Variants in LRMDA observed in about 807,000 individuals in gnomAD.
LRMDA encodes leucine rich melanocyte differentiation associated.
Under a neutral mutation model 29.8 loss-of-function variants are expected in LRMDA, and 18 were observed. The observed-to-expected ratio is 0.60, with a 90% CI of 0.42 to 0.90. The LOEUF (loss-of-function observed/expected upper bound fraction) is 0.90, where lower values mean the gene tolerates loss of function less well. LRMDA is among the 40% of genes least tolerant of loss of function. LRMDA has a pLI of 0.00. For synonymous variants in LRMDA, 125 were observed against 109.4 expected (o/e 1.14, Z -0.89); for missense variants, 273 against 273.9 (o/e 1.00, Z 0.02).
chr10:76,177,504 T>C (rs1850961768), intron 5 of LRMDA, among the ~76,000 whole-genome samples: 1 of 152,236 alleles, frequency 6.6e-6, no homozygotes, highest in Non-Finnish European at 1.5e-5. Context: ...TAAAGGAAGC[T>C]AGCAAAGTTT....
intron 2 of LRMDA, among the ~76,000 whole-genome samples, chr10:75,737,302 A>T (rs1842777834): frequency 6.6e-6 from 1 of 152,242 alleles, no homozygotes; most frequent in Non-Finnish European, 1.5e-5. Flanking sequence ...GGAATGCGTC[A>T]GATGTGCTCA....
At chr10:76,342,022 T>C (rs1841047985) in intron 6 of LRMDA, among the ~76,000 whole-genome samples, 1 of 152,198 alleles carries the variant, frequency 6.6e-6, no homozygotes, top group South Asian at 2.1e-4. Context: ...TGGAAGAGCA[T>C]GTGGGACCAG....
chr10:76,395,282 T>C (rs766342245), intron 6 of LRMDA, among the ~76,000 whole-genome samples: 5 of 152,212 alleles, frequency 3.3e-5, no homozygotes, highest in African/African-American at 7.2e-5. Flanking sequence ...ATTGTATCCT[T>C]GGCTGACTCT....
chr10:76,276,097 T>C (rs1285248553), intron 5 of LRMDA, among the ~76,000 whole-genome samples: 3 of 151,700 alleles, frequency 2.0e-5, no homozygotes, highest in Non-Finnish European at 2.9e-5. Flanking sequence ...TTCTTTCTTT[T>C]GTTAATTCTT....
chr10:75,902,914 G>A lies in LRMDA; in HGVS notation c.132-133094G>A, dbSNP rs898358410. Among the ~76,000 whole-genome samples the A allele has an allele frequency of 4.6e-5, 7 of 152,090 alleles. 1 individual carries two copies. Among genetic ancestry groups the A allele is most frequent in the South Asian group, 4.2e-4 (2 of 4,812 alleles). On this transcript the variant is annotated intron_variant, in intron 2 of 6. Coordinates refer to ENST00000611255, the MANE Select transcript of LRMDA (RefSeq NM_001305581.2). ...GGGCCCTTCAGAGCTCCCACCCTCT[G>A]GCCAGAGAAATGTCCCCACTGAATC...
chr10:76,113,070 C>T (rs897776873), intron 5 of LRMDA, among the ~76,000 whole-genome samples: 4 of 152,096 alleles, frequency 2.6e-5, no homozygotes, highest in South Asian at 2.1e-4. Flanking sequence ...CCTGTTAGTC[C>T]GAGCATGGGC....
At chr10:76,399,508 A>G (rs1192639869) in intron 6 of LRMDA, among the ~76,000 whole-genome samples, 1 of 152,246 alleles carries the variant, frequency 6.6e-6, no homozygotes, top group Non-Finnish European at 1.5e-5. Flanking sequence ...ATCACATGCC[A>G]TGAGCTGTCA....
chr10:76,051,752 G>T (rs1848534717), intron 4 of LRMDA, among the ~76,000 whole-genome samples: 1 of 152,196 alleles, frequency 6.6e-6, no homozygotes, highest in Non-Finnish European at 1.5e-5. Context: ...CTGAGGCTCA[G>T]AAAGGCAGCA....
intron 6 of LRMDA, among the ~76,000 whole-genome samples, chr10:76,512,421 C>G (rs73292576): frequency 0.047 from 7,159 of 152,194 alleles, 220 homozygotes; most frequent in African/African-American, 0.065. Flanking sequence ...GAAATAAAGC[C>G]TTACATTTAA....
intron 2 of LRMDA, among the ~76,000 whole-genome samples, chr10:76,035,104 T>TC (rs1440687359): frequency 6.6e-6 from 1 of 151,984 alleles, no homozygotes; most frequent in African/African-American, 2.4e-5. Context: ...CTGTTTTTTT[T>TC]TTTTTTTCCT....
At chr10:75,911,022 G>A (rs1024380804) in intron 2 of LRMDA, among the ~76,000 whole-genome samples, 3 of 148,794 alleles carry the variant, frequency 2.0e-5, no homozygotes, top group African/African-American at 7.4e-5. Context: ...TTTTTTTTTT[G>A]GAGAGGATGT....
At chr10:76,030,586 T>G (rs1848133052) in intron 2 of LRMDA, among the ~76,000 whole-genome samples, 1 of 152,102 alleles carries the variant, frequency 6.6e-6, no homozygotes, top group African/African-American at 2.4e-5. Context: ...GTCAAGAGAT[T>G]GAGACCATCC....
chr10:76,316,319 C>G (rs942106615), intron 5 of LRMDA, among the ~76,000 whole-genome samples: 1 of 152,222 alleles, frequency 6.6e-6, no homozygotes, highest in Non-Finnish European at 1.5e-5. Flanking sequence ...GATGCAGCCT[C>G]TCTTGGAGCC....
At chr10:75,837,843 A>G (rs1844468301) in intron 2 of LRMDA, among the ~76,000 whole-genome samples, 1 of 152,118 alleles carries the variant, frequency 6.6e-6, no homozygotes, top group East Asian at 1.9e-4. Context: ...TACTTGTGTG[A>G]TGGTGATGGA....
At chr10:75,901,945 A>G (rs909897062) in intron 2 of LRMDA, among the ~76,000 whole-genome samples, 1 of 152,154 alleles carries the variant, frequency 6.6e-6, no homozygotes, top group African/African-American at 2.4e-5. Flanking sequence ...TACTGTGGAT[A>G]TCTCTCACCA....
At chr10:75,833,655 C>T (rs1844383907) in intron 2 of LRMDA, among the ~76,000 whole-genome samples, 2 of 152,170 alleles carry the variant, frequency 1.3e-5, no homozygotes, top group African/African-American at 4.8e-5. Flanking sequence ...TACATCTCAT[C>T]AGCTAAAAAT....
chr10:76,414,344 C>T (rs143492344), intron 6 of LRMDA, among the ~76,000 whole-genome samples: 2 of 152,246 alleles, frequency 1.3e-5, no homozygotes, highest in African/African-American at 4.8e-5. Context: ...ACCAACCAAA[C>T]AGCAACAAAA....
chr10:75,735,932 A>G (rs1333812199), intron 2 of LRMDA, among the ~76,000 whole-genome samples: 1 of 152,006 alleles, frequency 6.6e-6, no homozygotes, highest in African/African-American at 2.4e-5. Context: ...AGATGCCTAC[A>G]CTTTAATTAT....
intron 6 of LRMDA, among the ~76,000 whole-genome samples, chr10:76,378,612 GT>G (rs1056591955): frequency 4.4e-4 from 67 of 151,182 alleles, no homozygotes; most frequent in Non-Finnish European, 9.3e-4. Flanking sequence ...TTTATTGACT[GT>G]TTTTTTTCTA....
Sources: gnomAD v4.1 joint callset for allele counts (sites outside exome capture counted in the v4.1 genomes callset) on GRCh38, gnomAD v4.1.1 for gene constraint, MANE v1.5 for transcripts, NCBI Gene and HGNC (gene_info 2026-07-23, HGNC 2026-07-21) for gene names.